The following MIPOL1 variants were observed in gnomAD, a reference collection of about 807,000 sequenced individuals.
The protein encoded by MIPOL1 is mirror-image polydactyly gene 1 protein.
A neutral mutation model predicts 60.9 loss-of-function variants in MIPOL1; 57 were observed. The observed-to-expected ratio is 0.94, with a 90% CI of 0.76 to 1.17. The LOEUF (loss-of-function observed/expected upper bound fraction) is 1.17, where lower values mean the gene tolerates loss of function less well. Among genes scored for constraint, MIPOL1 ranks in the 50% most tolerant of loss-of-function variants. MIPOL1 has a pLI of 0.00. For synonymous variants in MIPOL1, 179 were observed against 168.8 expected (o/e 1.06, Z -0.47); for missense variants, 551 against 511.6 (o/e 1.08, Z -0.74).
chr14:37,387,578 C>T (rs1263546811), intron 10 of MIPOL1, among the ~76,000 whole-genome samples: 2 of 151,838 alleles, frequency 1.3e-5, no homozygotes, highest in African/African-American at 4.8e-5. Flanking sequence ...GGTAACAATT[C>T]CCATTTGGTA....
At chr14:37,277,027 T>C (rs1047297594) in intron 6 of MIPOL1, 2 of 151,162 alleles carry the variant, frequency 1.3e-5, no homozygotes, top group Admixed American at 1.3e-4. Flanking sequence ...TAGAAAAGTT[T>C]GGTTTTTTTC....
chr14:37,392,475 C>T (rs966067592), intron 10 of MIPOL1, among the ~76,000 whole-genome samples: 1 of 152,250 alleles, frequency 6.6e-6, no homozygotes, highest in African/African-American at 2.4e-5. Context: ...TCTACAAATA[C>T]AGACATTTGT....
intron 1 of MIPOL1, among the ~76,000 whole-genome samples, chr14:37,214,798 C>T (rs1488183848): frequency 6.6e-6 from 1 of 152,038 alleles, no homozygotes; most frequent in Non-Finnish European, 1.5e-5. Flanking sequence ...GGAAAGACAC[C>T]CATTACCAAG....
chr14:37,543,544 TG>T (rs1381982857), intron 12 of MIPOL1, among the ~76,000 whole-genome samples: 10 of 152,332 alleles, frequency 6.6e-5, no homozygotes, highest in African/African-American at 2.4e-4. Flanking sequence ...CCCAAAGTGA[TG>T]GGACTACAGG....
intron 1 of MIPOL1, among the ~76,000 whole-genome samples, chr14:37,245,096 A>C (rs1972981335): frequency 6.6e-6 from 1 of 152,180 alleles, no homozygotes. Flanking sequence ...TTTAATCAGG[A>C]TAACACTGTT....
intron 9 of MIPOL1, among the ~76,000 whole-genome samples, chr14:37,356,913 G>A (rs947462211): frequency 3.9e-5 from 6 of 152,018 alleles, no homozygotes; most frequent in Admixed American, 3.3e-4. Context: ...GTTTCTATTC[G>A]GCCATCTTGG....
intron 11 of MIPOL1, among the ~76,000 whole-genome samples, chr14:37,470,392 G>A (rs903601082): frequency 6.6e-6 from 1 of 152,050 alleles, no homozygotes; most frequent in Non-Finnish European, 1.5e-5. Context: ...GGGCCTGGCG[G>A]GAGGTGATTG....
chr14:37,364,956 C>G (rs996411069), intron 9 of MIPOL1, among the ~76,000 whole-genome samples: 2 of 152,004 alleles, frequency 1.3e-5, no homozygotes, highest in Admixed American at 6.6e-5. Flanking sequence ...TTAATTTCAT[C>G]TGTAGCTGTG....
intron 11 of MIPOL1, among the ~76,000 whole-genome samples, chr14:37,496,169 C>G (rs1465226347): frequency 6.6e-6 from 1 of 151,120 alleles, no homozygotes; most frequent in African/African-American, 2.4e-5. Context: ...TAAGAGCTAT[C>G]TATGACAAAC....
intron 10 of MIPOL1, among the ~76,000 whole-genome samples, chr14:37,391,918 AG>A (rs1167501645): frequency 6.6e-6 from 1 of 152,170 alleles, no homozygotes; most frequent in Non-Finnish European, 1.5e-5. Context: ...ATTTGAATTT[AG>A]GAACTAATGA....
chr14:37,535,260 T>A (rs1215120671), intron 12 of MIPOL1, among the ~76,000 whole-genome samples: 3 of 152,158 alleles, frequency 2.0e-5, no homozygotes, highest in Non-Finnish European at 4.4e-5. Context: ...TGGCGCCTTG[T>A]CTACTTTTGA....
intron 11 of MIPOL1, among the ~76,000 whole-genome samples, chr14:37,434,937 T>G (rs2094140122): frequency 6.6e-6 from 1 of 152,042 alleles, no homozygotes; most frequent in South Asian, 2.1e-4. Flanking sequence ...CTAGCCAAGT[T>G]GACACATAAA....
chr14:37,344,480 C>T (rs1419558952), intron 9 of MIPOL1, among the ~76,000 whole-genome samples: 4 of 151,598 alleles, frequency 2.6e-5, no homozygotes, highest in Admixed American at 6.6e-5. Flanking sequence ...AGAGACTTAA[C>T]GAGATTTAGA....
Position 37,216,062 on chromosome 14 carries a change from CA to C in MIPOL1, c.-199+17975del, listed in dbSNP as rs71449980. Among the ~76,000 whole-genome samples, 188 of 85,824 alleles carry C rather than the reference CA, an allele frequency of 2.2e-3. 1 individual carries two copies. Among genetic ancestry groups the C allele is most frequent in the Middle Eastern group, 6.9e-3 (1 of 144 alleles). 56.3% of individuals were successfully genotyped at this position (85,824 alleles called of 152,430 possible). On this transcript the variant is annotated intron_variant, in intron 1 of 12. Coordinates refer to ENST00000684589, the MANE Select transcript of MIPOL1 (RefSeq NM_001388067.1). ...TGGGTGACAGAGCAAACCTCCATCT[CA>C]AAAAAAAAAAAAAAAAGAAAGAAAA...
intron 12 of MIPOL1, chr14:37,503,726 A>T (rs931378308): frequency 6.6e-5 from 10 of 152,210 alleles, no homozygotes; most frequent in African/African-American, 2.4e-4. Context: ...AGCTAACATC[A>T]TAACGACAGG....
chr14:37,277,485 A>G (rs895460031), intron 6 of MIPOL1: 2 of 151,328 alleles, frequency 1.3e-5, no homozygotes, highest in Non-Finnish European at 3.0e-5. Context: ...TTTGAATGTA[A>G]GCATAGAGCA....
chr14:37,299,307 G>A (rs914044238), intron 7 of MIPOL1, among the ~76,000 whole-genome samples: 11 of 151,520 alleles, frequency 7.3e-5, no homozygotes, highest in African/African-American at 2.7e-4. Context: ...GGAGAGGGGG[G>A]CGGGATAGCA....
chr14:37,465,194 G>C (rs943356675), intron 11 of MIPOL1, among the ~76,000 whole-genome samples: 60 of 152,244 alleles, frequency 3.9e-4, no homozygotes, highest in African/African-American at 1.3e-3. Flanking sequence ...TTGATATACT[G>C]TGGTCAGCAA....
chr14:37,292,873 G>A (rs539189122), intron 7 of MIPOL1, among the ~76,000 whole-genome samples: 1 of 152,086 alleles, frequency 6.6e-6, no homozygotes, highest in African/African-American at 2.4e-5. Flanking sequence ...TATAACCCTA[G>A]GGCAATGGGA....
Sources: gnomAD v4.1 joint callset for allele counts (sites outside exome capture counted in the v4.1 genomes callset) on GRCh38, gnomAD v4.1.1 for gene constraint, MANE v1.5 for transcripts, NCBI Gene and HGNC (gene_info 2026-07-23, HGNC 2026-07-21) for gene names.